SLC39A9: variants seen among roughly 807,000 people sequenced by gnomAD.
The protein encoded by SLC39A9 is zinc transporter ZIP9.
Under a neutral mutation model 28.4 loss-of-function variants are expected in SLC39A9, and 14 were observed. That is an observed-to-expected ratio of 0.49 (90% CI 0.33 to 0.77). SLC39A9 has a LOEUF of 0.77. SLC39A9 is among the 30% of genes least tolerant of loss of function. The pLI is 0.02. For synonymous variants in SLC39A9, 119 were observed against 149.6 expected, an observed-to-expected ratio of 0.80 and a Z score of 1.49; for missense variants, 283 against 381.1, an observed-to-expected ratio of 0.74 and a Z score of 2.14.
chr14:69,454,201 AT>A (rs1419749280), intron 4 of SLC39A9, among the ~76,000 whole-genome samples: 1 of 152,234 alleles, frequency 6.6e-6, no homozygotes, highest in African/African-American at 2.4e-5. Context: ...TTTCTAACAA[AT>A]TTCATTCATT....
chr14:69,421,840 G>T (rs1220946339), intron 1 of SLC39A9, among the ~76,000 whole-genome samples: 1 of 152,186 alleles, frequency 6.6e-6, no homozygotes, highest in South Asian at 2.1e-4. Context: ...CTGGTGTGCC[G>T]TTTGTTAAGA....
intron 6 of SLC39A9, among the ~76,000 whole-genome samples, 170 bp from the exon 7 acceptor site, chr14:69,458,193 C>T (rs1885956839): frequency 6.6e-6 from 1 of 152,064 alleles, no homozygotes; most frequent in Non-Finnish European, 1.5e-5. Context: ...TTCTTAAACC[C>T]TTATTTGGAA....
Position 69,453,461 on chromosome 14 carries a change from T to C in SLC39A9, c.472+152T>C, listed in dbSNP as rs114644417. On this transcript the variant is annotated intron_variant, in intron 4 of 6. Coordinates refer to ENST00000336643, the MANE Select transcript of SLC39A9 (RefSeq NM_018375.5). Reference sequence around the variant, plus strand: ...GAAGTCCTCCAACACAAGCACAAGCTTGGTGTGCTCAGTGTCAGGGGTTTG... The same window carrying C: ...GAAGTCCTCCAACACAAGCACAAGCCTGGTGTGCTCAGTGTCAGGGGTTTG... 590 of 623,968 alleles carry C rather than the reference T, an allele frequency of 9.5e-4. 2 individuals carry two copies. The African/African-American group carries it at 0.01, about 11-fold the overall frequency. 38.7% of individuals were successfully genotyped at this position (623,968 alleles called of 1,614,324 possible).
chr14:69,442,486 G>A (rs1201151144), intron 3 of SLC39A9, among the ~76,000 whole-genome samples: 1 of 152,178 alleles, frequency 6.6e-6, no homozygotes, highest in East Asian at 1.9e-4. Flanking sequence ...TTGTCTTAAA[G>A]TTGTCACATT....
chr14:69,416,040 A>G (rs1183558739), intron 1 of SLC39A9, among the ~76,000 whole-genome samples: 2 of 152,230 alleles, frequency 1.3e-5, no homozygotes, highest in Admixed American at 6.5e-5. Flanking sequence ...CATTTACATT[A>G]GGTATTTCTC....
intron 1 of SLC39A9, among the ~76,000 whole-genome samples, chr14:69,422,223 T>C (rs1233628756): frequency 6.6e-6 from 1 of 152,192 alleles, no homozygotes; most frequent in Non-Finnish European, 1.5e-5. Context: ...TGAAACTTTT[T>C]CATAAACAAC....
Position 69,459,239 on chromosome 14 carries a change from A to G in SLC39A9, c.*646A>G, listed in dbSNP as rs766989250. On this transcript the variant is annotated 3_prime_UTR_variant, in exon 7 of 7. Coordinates refer to ENST00000336643, the MANE Select transcript of SLC39A9 (RefSeq NM_018375.5). ...GAGGGATTTAAACAGCTCCTTTGGCACGTGCCTCTCTGAATCCAGCCTGCC... is the reference window on the plus strand; with the variant it reads ...GAGGGATTTAAACAGCTCCTTTGGCGCGTGCCTCTCTGAATCCAGCCTGCC... 3.0e-4 allele frequency: 300 copies of G among 985,376 alleles called. No individual in the cohort carries two copies. Among genetic ancestry groups the G allele is most frequent in the Non-Finnish European group, 3.6e-4 (296 of 829,952 alleles). 61.0% of individuals were successfully genotyped at this position (985,376 alleles called of 1,614,324 possible). A position where few individuals can be genotyped will look rare whatever the true frequency, so the allele number is the denominator to read the frequency against.
intron 1 of SLC39A9, among the ~76,000 whole-genome samples, chr14:69,412,214 C>A (rs1228993905): frequency 6.6e-6 from 1 of 151,168 alleles, no homozygotes; most frequent in Non-Finnish European, 1.5e-5. Flanking sequence ...ACGGTGAAAT[C>A]CTATCTCTAC....
At position 69,450,164 on chromosome 14, in the gene SLC39A9, G is replaced by A. The variant is rs963127805; in HGVS notation, c.404-3077G>A. On this transcript the variant is annotated intron_variant, in intron 3 of 6. Coordinates refer to ENST00000336643, the MANE Select transcript of SLC39A9 (RefSeq NM_018375.5). ...AGATCACGCCACTGCGCTCCAGCCCGGGTGACCATGCAAGATTCCATCTCA... is the reference window on the plus strand; with the variant it reads ...AGATCACGCCACTGCGCTCCAGCCCAGGTGACCATGCAAGATTCCATCTCA... Among the ~76,000 whole-genome samples the A allele has an allele frequency of 5.3e-5, 8 of 151,998 alleles. No homozygotes were observed. The East Asian group carries it at 1.4e-3, about 26-fold the overall frequency.
chr14:69,428,209 G>A (rs1312019493), intron 2 of SLC39A9, among the ~76,000 whole-genome samples: 4 of 151,834 alleles, frequency 2.6e-5, no homozygotes, highest in East Asian at 1.9e-4. Flanking sequence ...CCTGGGAGGC[G>A]GAGGTTGCAG....
At chr14:69,446,943 T>TAGAGAG (rs35109256) in intron 3 of SLC39A9, among the ~76,000 whole-genome samples, 3 of 131,474 alleles carry the variant, frequency 2.3e-5, no homozygotes, top group Admixed American at 7.6e-5. Context: ...TATATATATA[T>TAGAGAG]ATATAGAGAG....
intron 1 of SLC39A9, among the ~76,000 whole-genome samples, chr14:69,401,391 T>C (rs1408379958): frequency 1.3e-5 from 2 of 152,226 alleles, no homozygotes; most frequent in Non-Finnish European, 2.9e-5. Flanking sequence ...CTTATAACTA[T>C]ATTAGAATTG....
At chr14:69,444,917 A>G (rs1476700933) in intron 3 of SLC39A9, among the ~76,000 whole-genome samples, 1 of 152,056 alleles carries the variant, frequency 6.6e-6, no homozygotes, top group African/African-American at 2.4e-5. Context: ...GCAGTGAGCT[A>G]TGATCGCATA....
chr14:69,399,252 A>G lies in SLC39A9; in HGVS notation c.-118A>G, dbSNP rs1594892935. 4.7e-6 allele frequency: 4 copies of G among 844,284 alleles called. No homozygotes were observed. In the African/African-American group the frequency reaches 5.2e-5, roughly 11 times the overall value. The allele number at this position is 844,284 out of a possible 1,614,324, so 52.3% of individuals were successfully genotyped here. On this transcript the variant is annotated 5_prime_UTR_variant, in exon 1 of 7. Coordinates refer to ENST00000336643, the MANE Select transcript of SLC39A9 (RefSeq NM_018375.5). ...AACACATCTGCTGGTGGGAAGGCCT[A>G]AAGAACTGGAAAGCCCACTCTCTTG...
chr14:69,400,866 A>T (rs1882593018), intron 1 of SLC39A9, among the ~76,000 whole-genome samples: 1 of 151,992 alleles, frequency 6.6e-6, no homozygotes, highest in African/African-American at 2.4e-5. Context: ...TCACTTAAAA[A>T]ACTCAAGCTG....
At chr14:69,439,865 G>C (rs2139422380) in intron 2 of SLC39A9, among the ~76,000 whole-genome samples, 1 of 152,190 alleles carries the variant, frequency 6.6e-6, no homozygotes, top group East Asian at 1.9e-4. Context: ...CGTGCTTCTT[G>C]GACAGCCTGC....
intron 4 of SLC39A9, 55 bp from the exon 5 acceptor site, chr14:69,454,757 C>A (rs909443991): frequency 1.5e-5 from 21 of 1,439,148 alleles, no homozygotes; most frequent in Non-Finnish European, 2.1e-5. Flanking sequence ...AACCACTACA[C>A]TGTTATTGTT....
At chr14:69,413,140 A>G (rs572415985) in intron 1 of SLC39A9, among the ~76,000 whole-genome samples, 1 of 152,292 alleles carries the variant, frequency 6.6e-6, no homozygotes, top group South Asian at 2.1e-4. Context: ...GCAGATCACA[A>G]GGTCAGGAGA....
At chr14:69,406,685 TAAA>T (rs1200169340) in intron 1 of SLC39A9, among the ~76,000 whole-genome samples, 1 of 133,062 alleles carries the variant, frequency 7.5e-6, no homozygotes, top group African/African-American at 2.8e-5. Context: ...GAGACTGTCT[TAAA>T]AAAAAAAAAA....
Sources: allele counts gnomAD v4.1 joint callset (sites outside exome capture counted in the v4.1 genomes callset), GRCh38; gene constraint gnomAD v4.1.1; transcripts MANE v1.5; gene names NCBI Gene and HGNC (gene_info 2026-07-23, HGNC 2026-07-21).